The following CDH12 variants were observed in gnomAD, a reference collection of about 807,000 sequenced individuals.
CDH12 encodes the protein cadherin-12.
Under a neutral mutation model 74.1 loss-of-function variants are expected in CDH12, and 41 were observed. The ratio of observed to expected loss-of-function variants is 0.55; its 90% CI spans 0.43 to 0.72. The LOEUF is 0.72. CDH12 is among the 30% of genes least tolerant of loss of function. The pLI, the probability that CDH12 is intolerant of heterozygous loss-of-function variation, is 0.00. For missense variants in CDH12, 945 were observed against 977.2 expected, an observed-to-expected ratio of 0.97 and a Z score of 0.44; for synonymous variants, 399 against 355.0, an observed-to-expected ratio of 1.12 and a Z score of -1.39.
At chr5:22,226,566 G>A (rs1420261226) in intron 3 of CDH12, among the ~76,000 whole-genome samples, 1 of 152,000 alleles carries the variant, frequency 6.6e-6, no homozygotes, top group Non-Finnish European at 1.5e-5. Flanking sequence ...ACCTGAATAA[G>A]CTTGGAAGCT....
chr5:21,948,465 A>G (rs541530527), intron 6 of CDH12, among the ~76,000 whole-genome samples: 18 of 152,312 alleles, frequency 1.2e-4, no homozygotes, highest in Non-Finnish European at 2.1e-4. Flanking sequence ...TGTTTTGACT[A>G]ATTTCTCCAA....
chr5:22,329,891 C>A (rs1225639354), intron 3 of CDH12, among the ~76,000 whole-genome samples: 1 of 152,162 alleles, frequency 6.6e-6, no homozygotes, highest in Non-Finnish European at 1.5e-5. Flanking sequence ...CTGAAGTGTT[C>A]TGGGCTCCTA....
chr5:22,771,214 A>G (rs1055609508), intron 1 of CDH12, among the ~76,000 whole-genome samples: 3 of 152,126 alleles, frequency 2.0e-5, no homozygotes, highest in African/African-American at 7.2e-5. Context: ...GAGTATAAAT[A>G]TCTTACACTA....
intron 6 of CDH12, chr5:21,883,167 G>A: frequency 6.6e-7 from 1 of 1,504,072 alleles, no homozygotes; most frequent in Admixed American, 1.7e-5. Flanking sequence ...AATGAAAAAG[G>A]TTGGAAGAAA....
At chr5:22,152,458 C>G (rs1000508325) in intron 4 of CDH12, 5 of 152,080 alleles carry the variant, frequency 3.3e-5, no homozygotes, top group African/African-American at 1.2e-4. Flanking sequence ...ATTCACCTTT[C>G]TGGAATTCTT....
At chr5:22,374,727 A>G (rs1299739984) in intron 3 of CDH12, among the ~76,000 whole-genome samples, 1 of 152,086 alleles carries the variant, frequency 6.6e-6, no homozygotes, top group African/African-American at 2.4e-5. Context: ...AAAAATTAAA[A>G]TAGCTAGGAA....
Position 21,833,307 on chromosome 5 carries a change from G to GTTATATGTTATATAATATATATTATATA in CDH12, c.814+8826_814+8853dup, listed in dbSNP as rs1561225760. On this transcript the variant is annotated intron_variant, in intron 8 of 14. Transcript: ENST00000382254. ...ATATAACATATAATATATATTATAT[G>GTTATATGTTATATAATATATATTATATA]TTATATGTTATATAATATATATTAT... 1.1e-4 allele frequency among the ~76,000 whole-genome samples: 3 copies of GTTATATGTTATATAATATATATTATATA among 26,466 alleles called. 1 individual carries two copies. Among genetic ancestry groups the GTTATATGTTATATAATATATATTATATA allele is most frequent in the Non-Finnish European group, 1.4e-4 (3 of 20,844 alleles). The allele number at this position is 26,466 out of a possible 152,430, so 17.4% of individuals were successfully genotyped here.
chr5:22,527,766 G>T (rs370943228), intron 1 of CDH12, among the ~76,000 whole-genome samples: 2 of 152,122 alleles, frequency 1.3e-5, no homozygotes, highest in African/African-American at 4.8e-5. Flanking sequence ...TTTGAATCTC[G>T]TTCTCCACAT....
chr5:22,822,503 C>A (rs941097919), intron 1 of CDH12, among the ~76,000 whole-genome samples: 13 of 152,008 alleles, frequency 8.6e-5, no homozygotes, highest in Non-Finnish European at 1.5e-4. Context: ...GGCTAATATC[C>A]AGAATCTACA....
chr5:22,689,614 C>T (rs1029809151), intron 1 of CDH12, among the ~76,000 whole-genome samples: 2 of 92,648 alleles, frequency 2.2e-5, no homozygotes, highest in African/African-American at 9.4e-5. Context: ...CTTAGTAAAA[C>T]AGGAAAAAAA....
At chr5:22,085,732 C>A (rs2150232498) in intron 4 of CDH12, among the ~76,000 whole-genome samples, 1 of 151,978 alleles carries the variant, frequency 6.6e-6, no homozygotes, top group African/African-American at 2.4e-5. Context: ...TTACGTAATC[C>A]AAAAAATATT....
At chr5:22,827,223 T>G (rs1385623802) in intron 1 of CDH12, among the ~76,000 whole-genome samples, 1 of 152,160 alleles carries the variant, frequency 6.6e-6, no homozygotes, top group East Asian at 1.9e-4. Context: ...AGCCATGGCG[T>G]CTTCCATGTG....
chr5:22,678,050 G>GGC (rs746265127), intron 1 of CDH12, among the ~76,000 whole-genome samples: 2,245 of 151,420 alleles, frequency 0.015, 44 homozygotes, highest in South Asian at 0.032. Flanking sequence ...CTCATGGGGG[G>GGC]GGGGGTTAGG....
chr5:22,600,407 A>G (rs1736802372), intron 1 of CDH12, among the ~76,000 whole-genome samples: 1 of 152,134 alleles, frequency 6.6e-6, no homozygotes, highest in Non-Finnish European at 1.5e-5. Flanking sequence ...GTACGTATGT[A>G]TCTCTAGTTT....
intron 1 of CDH12, among the ~76,000 whole-genome samples, chr5:22,587,399 CA>C (rs1196119624): frequency 6.6e-6 from 1 of 152,066 alleles, no homozygotes; most frequent in Non-Finnish European, 1.5e-5. Flanking sequence ...TATAGCAGCA[CA>C]AAATGGACAA....
At position 22,441,379 on chromosome 5, in the gene CDH12, AT is replaced by A. The variant is rs368203229; in HGVS notation, c.-427-36029del. ...GGGTAGCTTGCATATCATTGAAGATATTTTTTTTTTGGTATGTCCAAGACAT... is the reference window on the plus strand; with the variant it reads ...GGGTAGCTTGCATATCATTGAAGATATTTTTTTTTGGTATGTCCAAGACAT... On this transcript the variant is annotated intron_variant, in intron 2 of 14. Transcript: ENST00000382254. 2.2e-3 allele frequency among the ~76,000 whole-genome samples: 331 copies of A among 149,826 alleles called. 1 individual carries two copies. Among genetic ancestry groups the A allele is most frequent in the African/African-American group, 6.6e-3 (269 of 40,974 alleles).
At chr5:22,056,861 A>T (rs1346401115) in intron 5 of CDH12, among the ~76,000 whole-genome samples, 1 of 152,130 alleles carries the variant, frequency 6.6e-6, no homozygotes, top group African/African-American at 2.4e-5. Flanking sequence ...CAGTGAGTTT[A>T]TTCCAAGCCG....
intron 4 of CDH12, among the ~76,000 whole-genome samples, chr5:22,100,686 C>CACACACAT (rs1400105163): frequency 6.6e-6 from 1 of 151,554 alleles, no homozygotes; most frequent in Admixed American, 6.6e-5. Flanking sequence ...CACACACACA[C>CACACACAT]ATACACTCTT....
At chr5:22,181,172 C>G (rs565946343) in intron 4 of CDH12, among the ~76,000 whole-genome samples, 1 of 152,240 alleles carries the variant, frequency 6.6e-6, no homozygotes, top group Non-Finnish European at 1.5e-5. Context: ...GCAACTGGCT[C>G]TAATTTCCCT....
Sources: allele counts gnomAD v4.1 joint callset (sites outside exome capture counted in the v4.1 genomes callset), GRCh38; gene constraint gnomAD v4.1.1; transcripts MANE v1.5; gene names NCBI Gene and HGNC (gene_info 2026-07-23, HGNC 2026-07-21).